Variants in ZDHHC7 observed in about 807,000 individuals in gnomAD.
The protein encoded by ZDHHC7 is palmitoyltransferase ZDHHC7.
In ZDHHC7, 12 loss-of-function variants were observed where a neutral mutation model predicts 34.1. The observed-to-expected ratio is 0.35, with a 90% CI of 0.23 to 0.57. The LOEUF is 0.57. Among genes scored for constraint, ZDHHC7 ranks in the 20% least tolerant of loss-of-function variants. The probability of loss-of-function intolerance (pLI) is 0.84; values close to 1 mark genes in which losing one functional copy is unlikely to be tolerated. For missense variants in ZDHHC7, 388 were observed against 402.7 expected, an observed-to-expected ratio of 0.96 and a Z score of 0.31; for synonymous variants, 185 against 155.4, an observed-to-expected ratio of 1.19 and a Z score of -1.42.
At chr16:84,993,892 G>A (rs1304651234) in intron 2 of ZDHHC7, among the ~76,000 whole-genome samples, 1 of 152,146 alleles carries the variant, frequency 6.6e-6, no homozygotes, top group Non-Finnish European at 1.5e-5. Flanking sequence ...AAGCCAACCT[G>A]AAAAGGGAGT....
At chr16:84,980,169 G>T (rs1339027235) in intron 4 of ZDHHC7, among the ~76,000 whole-genome samples, 1 of 150,888 alleles carries the variant, frequency 6.6e-6, no homozygotes, top group East Asian at 2.0e-4. Flanking sequence ...GTTTCATCGT[G>T]TTAGCTAGGA....
At chr16:84,985,819 G>A (rs554746418) in intron 3 of ZDHHC7, among the ~76,000 whole-genome samples, 24 of 151,930 alleles carry the variant, frequency 1.6e-4, no homozygotes, top group Admixed American at 4.6e-4. Flanking sequence ...GCCGGGCATG[G>A]TGGCACATGC....
In ZDHHC7 at chr16:84,976,389, C is replaced by T. The variant is rs761583225; in HGVS notation, c.881G>A (p.Arg294Gln). The T allele has an allele frequency of 5.0e-6, 8 of 1,614,020 alleles. No homozygotes were observed. The highest frequency in any genetic ancestry group is 4.5e-5 in the East Asian group (2 of 44,882). Residue 294 changes from arginine to glutamine, a missense_variant, in exon 8 of 8, where the codon CGA (arginine) becomes CAA (glutamine). Transcript: ENST00000313732. Reference sequence around the variant, plus strand: ...ACCTTTTCTGGGTCTCGTGGGCAGTCGCCTAAATCGGAAGCCCACAAAGGG... The same window carrying T: ...ACCTTTTCTGGGTCTCGTGGGCAGTTGCCTAAATCGGAAGCCCACAAAGGG... ...MNPFVGFRFR[R>Q]LPTRPRKGGP...
At position 85,011,531 on chromosome 16, in the gene ZDHHC7, G is replaced by A. The variant is rs886193332; in HGVS notation, c.-349C>T. 1 of 152,270 alleles carries A rather than the reference G, an allele frequency of 6.6e-6. No homozygotes were observed. Among genetic ancestry groups the A allele is most frequent in the African/African-American group, 2.4e-5 (1 of 41,458 alleles). The allele number at this position is 152,270 out of a possible 1,614,324, so 9.4% of individuals were successfully genotyped here. A position where few individuals can be genotyped will look rare whatever the true frequency, so the allele number is the denominator to read the frequency against. Reference sequence around the variant, plus strand: ...GGAGAGCGGGGCGGTGCGAGCGCCGGAAGTGAACCCGACGAGGTCAGTGAC... The same window carrying A: ...GGAGAGCGGGGCGGTGCGAGCGCCGAAAGTGAACCCGACGAGGTCAGTGAC... On this transcript the variant is annotated 5_prime_UTR_variant, in exon 1 of 8. Coordinates refer to ENST00000313732, the MANE Select transcript of ZDHHC7 (RefSeq NM_017740.3).
chr16:85,027,577 C>G, the ZDHHC7 span, among the ~76,000 whole-genome samples: 7 of 152,340 alleles, frequency 4.6e-5, no homozygotes, highest in African/African-American at 1.4e-4. Flanking sequence ...AGCAAGGGGG[C>G]GCCGGGCGTA....
chr16:84,987,985 C>G (rs1250458827), intron 3 of ZDHHC7, among the ~76,000 whole-genome samples: 1 of 152,104 alleles, frequency 6.6e-6, no homozygotes, highest in Admixed American at 6.5e-5. Flanking sequence ...CTGGCTAACA[C>G]GGTGAAACCC....
intron 1 of ZDHHC7, among the ~76,000 whole-genome samples, chr16:85,008,246 G>A (rs1171767070): frequency 6.6e-6 from 1 of 151,992 alleles, no homozygotes. Flanking sequence ...GTCTATCTGG[G>A]AACTAATATC....
In ZDHHC7 at chr16:84,988,699, G is replaced by A; in HGVS notation, c.315+1605C>T. 3 of 1,433,224 alleles carry A rather than the reference G, an allele frequency of 2.1e-6. No homozygotes were observed. The South Asian group carries it at 3.7e-5, about 18-fold the overall frequency. The allele number at this position is 1,433,224 out of a possible 1,614,324, so 88.8% of individuals were successfully genotyped here. A position where few individuals can be genotyped will look rare whatever the true frequency, so the allele number is the denominator to read the frequency against. On this transcript the variant is annotated intron_variant, in intron 3 of 7. Transcript: ENST00000313732. The stretch of plus-strand genomic sequence containing the variant: ...GGGCAAGTGCGCTTGTCAGCAAAGA[G>A]GAGCAAACTGCTGAGGACTCCCAGC...
upstream of ZDHHC7, among the ~76,000 whole-genome samples, chr16:85,015,829 C>G (rs1430058496): frequency 6.6e-6 from 1 of 151,324 alleles, no homozygotes; most frequent in African/African-American, 2.4e-5. Flanking sequence ...AGAACAAGAT[C>G]CTATCTCAAA....
chr16:85,016,948 CT>C, the ZDHHC7 span, among the ~76,000 whole-genome samples: 1 of 150,462 alleles, frequency 6.6e-6, no homozygotes. Context: ...TTTTCTTTTG[CT>C]TTTTTTTTGA....
At chr16:85,026,873 T>C in the ZDHHC7 span, among the ~76,000 whole-genome samples, 1 of 152,052 alleles carries the variant, frequency 6.6e-6, no homozygotes, top group Non-Finnish European at 1.5e-5. Context: ...TGTCAGTCAA[T>C]ACTCCAGAAC....
intron 1 of ZDHHC7, among the ~76,000 whole-genome samples, chr16:84,997,674 C>T (rs1263598774): frequency 6.6e-6 from 1 of 150,580 alleles, no homozygotes; most frequent in African/African-American, 2.4e-5. Context: ...GTGGGCGGAT[C>T]ACAAGGTCAG....
chr16:85,021,334 C>A, the ZDHHC7 span, among the ~76,000 whole-genome samples: 2 of 151,008 alleles, frequency 1.3e-5, no homozygotes, highest in African/African-American at 2.4e-5. Flanking sequence ...ATCGTTTGAA[C>A]CCAGGAGGCG....
chr16:85,012,539 C>A (rs965420699), upstream of ZDHHC7, among the ~76,000 whole-genome samples: 12 of 151,870 alleles, frequency 7.9e-5, no homozygotes, highest in African/African-American at 2.7e-4. Context: ...AAAAGTAAGA[C>A]CCCATAAGAC....
chr16:84,989,986 T>C (rs1459845048), intron 3 of ZDHHC7, among the ~76,000 whole-genome samples: 1 of 152,098 alleles, frequency 6.6e-6, no homozygotes, highest in Non-Finnish European at 1.5e-5. Flanking sequence ...AGCTGCAAGA[T>C]CTGTACGATC....
chr16:84,986,707 C>T (rs2072441574), intron 3 of ZDHHC7, among the ~76,000 whole-genome samples: 1 of 152,330 alleles, frequency 6.6e-6, no homozygotes, highest in Non-Finnish European at 1.5e-5. Flanking sequence ...TGACTTTCCT[C>T]AAGTGACAAT....
At chr16:84,982,024 G>C (rs776025398) in intron 3 of ZDHHC7, 30 bp from the exon 4 acceptor site, 35 of 1,612,894 alleles carry the variant, frequency 2.2e-5, no homozygotes, top group Non-Finnish European at 2.8e-5. Context: ...TACTTTAGTT[G>C]GGGAGAATGA....
At chr16:85,000,209 G>A (rs183731707) in intron 1 of ZDHHC7, among the ~76,000 whole-genome samples, 3 of 152,250 alleles carry the variant, frequency 2.0e-5, no homozygotes, top group East Asian at 3.9e-4. Flanking sequence ...ACATGAGCAG[G>A]AGAAAAAATA....
At chr16:85,015,911 T>C (rs1308836560), upstream of ZDHHC7, among the ~76,000 whole-genome samples, 1 of 152,106 alleles carries the variant, frequency 6.6e-6, no homozygotes, top group East Asian at 1.9e-4. Flanking sequence ...TGTGATGCTA[T>C]AATAGAGTCA....
Sources: allele counts gnomAD v4.1 joint callset (sites outside exome capture counted in the v4.1 genomes callset), GRCh38; gene constraint gnomAD v4.1.1; transcripts MANE v1.5; gene names NCBI Gene and HGNC (gene_info 2026-07-23, HGNC 2026-07-21).